Variants in RMST observed in about 807,000 individuals in gnomAD.
RMST encodes the protein long intergenic non-protein coding RNA 54.
chr12:97,536,752 T>C (rs1476985794), intron 11 of RMST, among the ~76,000 whole-genome samples: 1 of 151,502 alleles, frequency 6.6e-6, no homozygotes, highest in Admixed American at 6.6e-5. Flanking sequence ...GTGTATATTA[T>C]ACACAAATAA....
intron 5 of RMST, among the ~76,000 whole-genome samples, chr12:97,489,523 G>T (rs1434438192): frequency 6.6e-6 from 1 of 152,036 alleles, no homozygotes; most frequent in Non-Finnish European, 1.5e-5. Context: ...GACTTTTTAG[G>T]TGGTTCTGTC....
chr12:97,519,379 A>G (rs1402304209), intron 10 of RMST, among the ~76,000 whole-genome samples: 1 of 152,198 alleles, frequency 6.6e-6, no homozygotes, highest in African/African-American at 2.4e-5. Context: ...GGGAGATTTC[A>G]TTGCTATCTC....
At chr12:97,546,492 G>A (rs1882939520) in intron 11 of RMST, among the ~76,000 whole-genome samples, 1 of 152,020 alleles carries the variant, frequency 6.6e-6, no homozygotes, top group South Asian at 2.1e-4. Flanking sequence ...TGAGGCAGGA[G>A]AACTGCTTGA....
intron 11 of RMST, among the ~76,000 whole-genome samples, chr12:97,555,684 C>G (rs190920435): frequency 1.3e-5 from 2 of 152,326 alleles, no homozygotes; most frequent in African/African-American, 4.8e-5. Context: ...ATTGGTCTTG[C>G]CTCCCAGACT....
chr12:97,517,262 C>T (rs1431896345), intron 10 of RMST, among the ~76,000 whole-genome samples: 1 of 151,882 alleles, frequency 6.6e-6, no homozygotes, highest in Non-Finnish European at 1.5e-5. Flanking sequence ...CTCCTTCACA[C>T]CATCTTCAAG....
intron 10 of RMST, among the ~76,000 whole-genome samples, chr12:97,518,378 T>A (rs964671447): frequency 6.6e-6 from 1 of 152,164 alleles, no homozygotes; most frequent in African/African-American, 2.4e-5. Flanking sequence ...TTGCCCACAG[T>A]TTCTTCCTGC....
At chr12:97,475,330 G>C (rs575814003) in intron 5 of RMST, among the ~76,000 whole-genome samples, 1 of 152,078 alleles carries the variant, frequency 6.6e-6, no homozygotes, top group Non-Finnish European at 1.5e-5. Context: ...TGGAACACAG[G>C]CATCTATGTC....
intron 5 of RMST, among the ~76,000 whole-genome samples, chr12:97,487,999 A>T (rs1876306347): frequency 6.6e-6 from 1 of 152,036 alleles, no homozygotes; most frequent in South Asian, 2.1e-4. Flanking sequence ...ACTGCTGCTC[A>T]CTCTGTGAGA....
chr12:97,499,939 A>G (rs1877902860), intron 10 of RMST, among the ~76,000 whole-genome samples: 1 of 152,156 alleles, frequency 6.6e-6, no homozygotes, highest in African/African-American at 2.4e-5. Flanking sequence ...GATTACAGGC[A>G]TGAGTCATCA....
intron 10 of RMST, among the ~76,000 whole-genome samples, chr12:97,504,674 A>G (rs1019812280): frequency 1.3e-5 from 2 of 152,194 alleles, no homozygotes; most frequent in Admixed American, 6.5e-5. Flanking sequence ...TTTTGTGAAC[A>G]TGAAGAAAAA....
rs576151073 is a variant in RMST at position 97,553,012 on chromosome 12, T to C, written n.1546-7525T>C. Among the ~76,000 whole-genome samples, 83 of 152,292 alleles carry C rather than the reference T, an allele frequency of 5.5e-4. No homozygotes were observed. In the South Asian group the frequency reaches 8.5e-3, roughly 16 times the overall value. Reference sequence around the variant, plus strand: ...CAGCCTACCAGCATTTCAACACTTATGGTCATCATCTCTCTGTAAATAAGA... The same window carrying C: ...CAGCCTACCAGCATTTCAACACTTACGGTCATCATCTCTCTGTAAATAAGA... On this transcript the variant is annotated intron_variant and non_coding_transcript_variant, in intron 11 of 13. Transcript: ENST00000640149.
At chr12:97,518,585 G>C (rs7975704) in intron 10 of RMST, among the ~76,000 whole-genome samples, 17,605 of 152,056 alleles carry the variant, frequency 0.12, 1,615 homozygotes, top group East Asian at 0.24. Flanking sequence ...CTGATAACCT[G>C]AGTTTTCAAT....
chr12:97,487,013 G>A (rs1160487359), intron 5 of RMST, among the ~76,000 whole-genome samples: 7 of 152,124 alleles, frequency 4.6e-5, no homozygotes, highest in African/African-American at 7.2e-5. Flanking sequence ...TTCCAGTTCC[G>A]TCCCCTCTGA....
At chr12:97,483,553 A>G (rs1379883252) in intron 5 of RMST, 1 of 152,208 alleles carries the variant, frequency 6.6e-6, no homozygotes, top group Non-Finnish European at 1.5e-5. Context: ...ATTTTACAGA[A>G]CAATGTGACC....
At chr12:97,542,735 C>T (rs776794886) in intron 11 of RMST, among the ~76,000 whole-genome samples, 11 of 151,926 alleles carry the variant, frequency 7.2e-5, no homozygotes, top group African/African-American at 1.7e-4. Flanking sequence ...TCAGATAGCA[C>T]GCATGGCAGA....
chr12:97,561,462 A>G (rs1422181549), intron 13 of RMST, among the ~76,000 whole-genome samples: 2 of 151,866 alleles, frequency 1.3e-5, no homozygotes, highest in Non-Finnish European at 2.9e-5. Flanking sequence ...TTGGAACGGG[A>G]AAAAAAGAAC....
chr12:97,549,329 T>C (rs1883159595), intron 11 of RMST, among the ~76,000 whole-genome samples: 1 of 152,242 alleles, frequency 6.6e-6, no homozygotes, highest in Non-Finnish European at 1.5e-5. Context: ...TTTTCTTTTA[T>C]AGCCAAAAGA....
Position 97,540,030 on chromosome 12 carries a change from C to A in RMST, n.1545+9171C>A, listed in dbSNP as rs763281629. 9.4e-4 allele frequency among the ~76,000 whole-genome samples: 143 copies of A among 151,716 alleles called. 1 individual carries two copies. The highest frequency in any genetic ancestry group is 6.8e-3 in the Middle Eastern group (2 of 294). The stretch of plus-strand genomic sequence containing the variant: ...AAGAAATTTTGATTTAGTTTTATTA[C>A]CTCTAAGTATTGCTAATGTATTCTA... On this transcript the variant is annotated intron_variant and non_coding_transcript_variant, in intron 11 of 13. Coordinates refer to ENST00000640149, the Ensembl canonical transcript of RMST.
At chr12:97,515,010 T>C (rs536490490) in intron 10 of RMST, among the ~76,000 whole-genome samples, 1 of 152,286 alleles carries the variant, frequency 6.6e-6, no homozygotes, top group Non-Finnish European at 1.5e-5. Flanking sequence ...GCTAAAGCTA[T>C]GATATTGATC....
Sources: gnomAD v4.1 joint callset for allele counts (sites outside exome capture counted in the v4.1 genomes callset) on GRCh38, gnomAD v4.1.1 for gene constraint, MANE v1.5 for transcripts, NCBI Gene and HGNC (gene_info 2026-07-23, HGNC 2026-07-21) for gene names.